ARHGAP22: variants seen among roughly 807,000 people sequenced by gnomAD.
ARHGAP22 encodes rho GTPase-activating protein 22.
A neutral mutation model predicts 59.1 loss-of-function variants in ARHGAP22; 48 were observed. That is an observed-to-expected ratio of 0.81 (90% CI 0.64 to 1.03). ARHGAP22 has a LOEUF of 1.03. ARHGAP22 is among the 50% of genes least tolerant of loss of function. ARHGAP22 has a pLI of 0.00. For missense variants in ARHGAP22, 1,015 were observed against 958.7 expected (o/e 1.06, Z -0.78); for synonymous variants, 445 against 416.4 (o/e 1.07, Z -0.84).
chr10:48,652,782 A>G (rs1226052396), upstream of ARHGAP22, among the ~76,000 whole-genome samples: 1 of 152,170 alleles, frequency 6.6e-6, no homozygotes, highest in Non-Finnish European at 1.5e-5. Context: ...GGATGCATTT[A>G]TGGCCTTTGT....
At chr10:48,611,867 C>A in intron 1 of ARHGAP22, among the ~76,000 whole-genome samples, 1 of 40,686 alleles carries the variant, frequency 2.5e-5, no homozygotes, top group African/African-American at 7.1e-5. Flanking sequence ...CCCTCCCCTC[C>A]CCTCCCCTCC....
intron 3 of ARHGAP22, among the ~76,000 whole-genome samples, chr10:48,509,285 T>A (rs767657051): frequency 5.3e-5 from 8 of 152,072 alleles, no homozygotes; most frequent in Non-Finnish European, 1.2e-4. Flanking sequence ...CTGGACCCCA[T>A]GGGGCATCGC....
chr10:48,459,863 T>A lies in ARHGAP22; in HGVS notation c.480A>T (p.Thr160=), dbSNP rs2046969576. 2 of 1,613,030 alleles carry A rather than the reference T, an allele frequency of 1.2e-6. No individual in the cohort carries two copies. The highest frequency in any genetic ancestry group is 2.7e-5 in the African/African-American group (2 of 75,058). ...GGCCATACTTCCGCTCGTGGTGGAC[T>A]GTTTCCTCTAGGCGCTGCCCAAAGA... is the stretch of plus-strand genomic sequence containing the variant. ...GGIFGQRLEE[T]VHHERKYGPR... The change falls in exon 5 of 10, where the codon ACA becomes ACT. Residue 160 remains threonine, a synonymous_variant. Coordinates refer to ENST00000249601, the MANE Select transcript of ARHGAP22 (RefSeq NM_021226.4).
chr10:48,634,844 G>A (rs545983427), intron 1 of ARHGAP22, among the ~76,000 whole-genome samples: 2 of 152,122 alleles, frequency 1.3e-5, no homozygotes, highest in African/African-American at 2.4e-5. Context: ...AGGTCATTAG[G>A]GTGGGCCCTA....
At chr10:48,590,889 G>A (rs1214815168) in intron 1 of ARHGAP22, among the ~76,000 whole-genome samples, 2 of 152,150 alleles carry the variant, frequency 1.3e-5, no homozygotes, top group Non-Finnish European at 2.9e-5. Flanking sequence ...AGGGATGGAC[G>A]TTCACAAGAG....
chr10:48,537,321 G>C (rs2055458539), intron 3 of ARHGAP22, among the ~76,000 whole-genome samples: 1 of 152,176 alleles, frequency 6.6e-6, no homozygotes. Flanking sequence ...GGAAGACTGT[G>C]GACCAGAGCC....
chr10:48,439,346 A>G, the ARHGAP22 span: 1 of 151,204 alleles, frequency 6.6e-6, no homozygotes, highest in African/African-American at 2.4e-5. Flanking sequence ...AAAAAGTGGT[A>G]TGAAAATTAT....
chr10:48,645,093 T>C (rs192180378), intron 1 of ARHGAP22, among the ~76,000 whole-genome samples: 1 of 152,084 alleles, frequency 6.6e-6, no homozygotes. Flanking sequence ...TCAACTGAAA[T>C]TAAAAAGACT....
chr10:48,582,349 T>C (rs2135624709), intron 2 of ARHGAP22, among the ~76,000 whole-genome samples: 1 of 152,340 alleles, frequency 6.6e-6, no homozygotes, highest in East Asian at 1.9e-4. Context: ...GTGTCTTGGA[T>C]GGCAGCACAC....
chr10:48,560,745 A>G (rs2057633147), intron 2 of ARHGAP22, among the ~76,000 whole-genome samples: 1 of 152,228 alleles, frequency 6.6e-6, no homozygotes, highest in Admixed American at 6.5e-5. Flanking sequence ...CTTTTTCTGA[A>G]TCCATGAGAT....
At chr10:48,498,320 G>A (rs1312271101) in intron 3 of ARHGAP22, among the ~76,000 whole-genome samples, 1 of 152,050 alleles carries the variant, frequency 6.6e-6, no homozygotes, top group Non-Finnish European at 1.5e-5. Context: ...CTCCTCCTTG[G>A]GGTGTGCTGG....
At position 48,459,834 on chromosome 10, in the gene ARHGAP22, C is replaced by CG. The variant is rs1564691706; in HGVS notation, c.508dup (p.Arg170ProfsTer21). The CG allele has an allele frequency of 6.2e-7, 1 of 1,613,446 alleles. No homozygotes were observed. ...CTGCTCCACCAGCAGGGGCGCCAGG[C>CG]GGGGGCCATACTTCCGCTCGTGGTG... On this transcript the variant is annotated frameshift_variant, in exon 5 of 10. Transcript: ENST00000249601. LOFTEE classifies it high-confidence loss of function.
intron 4 of ARHGAP22, among the ~76,000 whole-genome samples, chr10:48,473,960 G>A (rs896162351): frequency 5.3e-5 from 8 of 152,208 alleles, no homozygotes; most frequent in African/African-American, 1.9e-4. Context: ...AGAGAGAGCT[G>A]GCAAGGAGGT....
intron 4 of ARHGAP22, among the ~76,000 whole-genome samples, chr10:48,466,164 C>T (rs2047649152): frequency 6.6e-6 from 1 of 152,056 alleles, no homozygotes; most frequent in Admixed American, 6.5e-5. Flanking sequence ...GGTCCCACAC[C>T]CCTTCCTGTG....
rs1483189813 is a variant in ARHGAP22, at chr10:48,451,031, G to A, written c.1098C>T (p.Cys366=). 5 of 1,553,752 alleles carry A rather than the reference G, an allele frequency of 3.2e-6. No homozygotes were observed. The highest frequency in any genetic ancestry group is 1.9e-5 in the Admixed American group (1 of 51,412). The change falls in exon 9 of 10, where the codon TGC becomes TGT. Residue 366 remains cysteine, a synonymous_variant. Coordinates refer to ENST00000249601, the MANE Select transcript of ARHGAP22 (RefSeq NM_021226.4). The part of the protein sequence containing the change: ...GPTSPRGGLQ[C]AVGWGSEEVT... ...CCTCCTCGGAGCCCCACCCCACTGC[G>A]CATTGCAGGCCCCCGCGCGGGGAGG...
intron 1 of ARHGAP22, among the ~76,000 whole-genome samples, chr10:48,636,911 G>T (rs1290846970): frequency 6.6e-6 from 1 of 152,192 alleles, no homozygotes; most frequent in Non-Finnish European, 1.5e-5. Context: ...GTAACAAGTT[G>T]GAATAGTACA....
At chr10:48,505,025 CT>C in intron 3 of ARHGAP22, among the ~76,000 whole-genome samples, 1 of 127,618 alleles carries the variant, frequency 7.8e-6, no homozygotes, top group East Asian at 2.8e-4. Context: ...CCACACCCTG[CT>C]TTCTCTGTCT....
upstream of ARHGAP22, among the ~76,000 whole-genome samples, chr10:48,654,770 ATTACTTTC>A (rs1216662313): frequency 4.7e-4 from 65 of 138,406 alleles, no homozygotes; most frequent in Non-Finnish European, 7.5e-4. Context: ...GGACATGCTG[ATTACTTTC>A]TTTCTTTCTT....
In ARHGAP22 at chr10:48,446,363, G is replaced by C; in HGVS notation, c.*28C>G. The stretch of plus-strand genomic sequence containing the variant: ...TACAAGGCTGGAGACCAGCAGACGT[G>C]GTACAGAAGTGAGCTCTGCCATTCC... On this transcript the variant is annotated 3_prime_UTR_variant, in exon 10 of 10. Coordinates refer to ENST00000249601, the MANE Select transcript of ARHGAP22 (RefSeq NM_021226.4). The C allele has an allele frequency of 6.2e-7, 1 of 1,609,448 alleles. No individual in the cohort carries two copies. The highest frequency in any genetic ancestry group is 8.5e-7 in the Non-Finnish European group (1 of 1,176,358).
Sources: allele counts gnomAD v4.1 joint callset (sites outside exome capture counted in the v4.1 genomes callset), GRCh38; gene constraint gnomAD v4.1.1; transcripts MANE v1.5; gene names NCBI Gene and HGNC (gene_info 2026-07-23, HGNC 2026-07-21).